The following FRAS1 variants were observed in gnomAD, a reference collection of about 807,000 sequenced individuals.
FRAS1 encodes the protein extracellular matrix organizing protein FRAS1.
A neutral mutation model predicts 435.2 loss-of-function variants in FRAS1; 290 were observed. That is an observed-to-expected ratio of 0.67 (90% CI 0.61 to 0.73). The LOEUF (loss-of-function observed/expected upper bound fraction) is 0.73, where lower values mean the gene tolerates loss of function less well. Among genes scored for constraint, FRAS1 ranks in the 30% least tolerant of loss-of-function variants. The pLI, the probability that FRAS1 is intolerant of heterozygous loss-of-function variation, is 0.00. For missense variants in FRAS1, 4,860 were observed against 5,001.5 expected, an observed-to-expected ratio of 0.97 and a Z score of 0.85; for synonymous variants, 1,800 against 1,851.0, an observed-to-expected ratio of 0.97 and a Z score of 0.71.
intron 14 of FRAS1, among the ~76,000 whole-genome samples, chr4:78,305,007 A>G (rs2110213929): frequency 6.6e-6 from 1 of 152,326 alleles, no homozygotes; most frequent in African/African-American, 2.4e-5. Context: ...TTAGTGCTGT[A>G]AATTTCCCTC....
At chr4:78,149,940 G>A in intron 2 of FRAS1, among the ~76,000 whole-genome samples, 1 of 152,198 alleles carries the variant, frequency 6.6e-6, no homozygotes, top group East Asian at 1.9e-4. Context: ...AGCCAGAGCT[G>A]CAGTGGTGGC....
chr4:78,419,276 T>A (rs966588484), intron 33 of FRAS1, among the ~76,000 whole-genome samples: 10 of 152,240 alleles, frequency 6.6e-5, no homozygotes, highest in African/African-American at 2.2e-4. Context: ...ATGAATGTGA[T>A]GGCTTTGGCA....
chr4:78,065,081 T>TATATATATATATATATATACACACAC (rs762909923), intron 1 of FRAS1, among the ~76,000 whole-genome samples: 1,732 of 125,024 alleles, frequency 0.014, 30 homozygotes, highest in Middle Eastern at 0.018. Context: ...TATATATATA[T>TATATATATATATATATATACACACAC]ATACATACAC....
chr4:78,305,792 C>T (rs1445576942), intron 14 of FRAS1, among the ~76,000 whole-genome samples: 1 of 151,776 alleles, frequency 6.6e-6, no homozygotes, highest in African/African-American at 2.4e-5. Flanking sequence ...ATATAGCACA[C>T]TGATGGGTCC....
At chr4:78,261,941 T>G (rs1016406387) in intron 6 of FRAS1, among the ~76,000 whole-genome samples, 3 of 152,174 alleles carry the variant, frequency 2.0e-5, no homozygotes, top group African/African-American at 7.2e-5. Flanking sequence ...TCTTCAGAGT[T>G]TTCTCCCAAG....
intron 54 of FRAS1, among the ~76,000 whole-genome samples, chr4:78,476,662 T>C (rs1338952976): frequency 6.6e-6 from 1 of 152,202 alleles, no homozygotes; most frequent in African/African-American, 2.4e-5. Flanking sequence ...GAGGATATTC[T>C]TGTGTTTTTC....
At chr4:78,435,862 C>T (rs1354516903) in intron 38 of FRAS1, among the ~76,000 whole-genome samples, 1 of 152,092 alleles carries the variant, frequency 6.6e-6, no homozygotes, top group South Asian at 2.1e-4. Context: ...TATACTGCCT[C>T]ACACCCTATG....
intron 61 of FRAS1, among the ~76,000 whole-genome samples, chr4:78,505,032 T>G (rs1304520954): frequency 6.6e-6 from 1 of 152,238 alleles, no homozygotes; most frequent in Non-Finnish European, 1.5e-5. Flanking sequence ...ATTCTTTTCT[T>G]TAAGAATGTT....
chr4:78,355,347 A>G (rs1479306929), intron 20 of FRAS1, among the ~76,000 whole-genome samples: 1 of 152,174 alleles, frequency 6.6e-6, no homozygotes, highest in Non-Finnish European at 1.5e-5. Context: ...CAGCCAAAGC[A>G]TAAATGTATC....
intron 20 of FRAS1, among the ~76,000 whole-genome samples, chr4:78,356,847 C>A (rs1560676012): frequency 6.6e-6 from 1 of 152,028 alleles, no homozygotes; most frequent in African/African-American, 2.4e-5. Context: ...ACACAGAGAC[C>A]TTGGTAAATA....
intron 2 of FRAS1, among the ~76,000 whole-genome samples, chr4:78,142,328 G>T (rs558672814): frequency 6.6e-6 from 1 of 152,098 alleles, no homozygotes; most frequent in African/African-American, 2.4e-5. Context: ...GTGCCCTTCA[G>T]CTACCTGCCA....
chr4:78,274,366 G>A (rs977425753), intron 9 of FRAS1, among the ~76,000 whole-genome samples: 1 of 152,110 alleles, frequency 6.6e-6, no homozygotes, highest in Admixed American at 6.6e-5. Context: ...GCTTTTGAAT[G>A]TGTTTGCTCT....
Position 78,452,246 on chromosome 4 carries a change from A to T in FRAS1, c.6655A>T (p.Thr2219Ser). The T allele has an allele frequency of 6.2e-7, 1 of 1,613,832 alleles. No individual in the cohort carries two copies. Among genetic ancestry groups the T allele is most frequent in the African/African-American group, 1.3e-5 (1 of 75,050 alleles). Residue 2219 changes from threonine to serine, a missense_variant, in exon 47 of 74, where the codon ACC (threonine) becomes TCC (serine). By Grantham distance (58) the Thr-to-Ser change is moderately conservative. Transcript: ENST00000512123. ...GGATGAAAACTCAGTGAAGAAAATC[A>T]CCACCCTGCAGCTGTCTGCCACTGA... Reference protein sequence around the residue: ...VLDENSVKKITTLQLSATDQD... With the variant: ...VLDENSVKKISTLQLSATDQD...
chr4:78,460,804 A>G (rs1274668270), intron 47 of FRAS1, among the ~76,000 whole-genome samples: 3 of 152,228 alleles, frequency 2.0e-5, no homozygotes, highest in Non-Finnish European at 4.4e-5. Context: ...AAAGTATAGT[A>G]TTATAATTTT....
chr4:78,258,064 G>C (rs1725870207), intron 6 of FRAS1, among the ~76,000 whole-genome samples: 1 of 152,186 alleles, frequency 6.6e-6, no homozygotes, highest in South Asian at 2.1e-4. Flanking sequence ...AGATGAGCCA[G>C]GCATGGTGGT....
Position 78,519,419 on chromosome 4 carries a change from C to T in FRAS1, c.10478C>T (p.Ser3493Phe). 6.2e-7 allele frequency: 1 copy of T among 1,611,402 alleles called. No individual in the cohort carries two copies. The highest frequency in any genetic ancestry group is 8.5e-7 in the Non-Finnish European group (1 of 1,179,008). The change falls in exon 67 of 74, where the codon TCC (serine) becomes TTC (phenylalanine). Residue 3493 changes from serine (S) to phenylalanine (F), a missense_variant. Transcript: ENST00000512123. ...IYVTAPRGWA[S>F]LEHHTEMEFS... is the part of the protein sequence containing the mutation. ...GTGACAGCCCCCAGGGGCTGGGCCT[C>T]CTTGGAGCACCACACCGAGATGGAG...
intron 2 of FRAS1, among the ~76,000 whole-genome samples, chr4:78,165,473 T>C (rs1721298841): frequency 6.6e-6 from 1 of 152,230 alleles, no homozygotes; most frequent in African/African-American, 2.4e-5. Context: ...GTTTTATCAC[T>C]TTACTGCTCA....
intron 2 of FRAS1, among the ~76,000 whole-genome samples, chr4:78,211,055 G>A (rs1202491798): frequency 6.6e-6 from 1 of 152,244 alleles, no homozygotes; most frequent in African/African-American, 2.4e-5. Flanking sequence ...AAGAAAGGCA[G>A]TGTGGATATC....
chr4:78,211,608 G>A (rs1295677961), intron 2 of FRAS1, among the ~76,000 whole-genome samples: 1 of 152,106 alleles, frequency 6.6e-6, no homozygotes, highest in African/African-American at 2.4e-5. Context: ...AGGGGCTTGG[G>A]AAATTGTTTC....
Sources: gnomAD v4.1 joint callset for allele counts (sites outside exome capture counted in the v4.1 genomes callset) on GRCh38, gnomAD v4.1.1 for gene constraint, MANE v1.5 for transcripts, NCBI Gene and HGNC (gene_info 2026-07-23, HGNC 2026-07-21) for gene names.